Variants in FSTL5 observed in about 807,000 individuals in gnomAD.
The protein encoded by FSTL5 is follistatin like 5, also known as follistatin-related protein 5.
In FSTL5, 62 loss-of-function variants were observed where a neutral mutation model predicts 89.1. The observed-to-expected ratio is 0.70, with a 90% confidence interval of 0.57 to 0.86. The LOEUF is 0.86. Among genes scored for constraint, FSTL5 ranks in the 40% least tolerant of loss-of-function variants. The pLI is 0.00. For synonymous variants in FSTL5, 383 were observed against 346.2 expected (o/e 1.11, Z -1.18); for missense variants, 1,057 against 1,001.6 (o/e 1.06, Z -0.75).
chr4:161,771,727 A>G (rs1429751606), intron 5 of FSTL5, among the ~76,000 whole-genome samples: 4 of 152,172 alleles, frequency 2.6e-5, no homozygotes, highest in African/African-American at 4.8e-5. Context: ...GTGTTTTAAA[A>G]TCAATATTGT....
intron 3 of FSTL5, among the ~76,000 whole-genome samples, chr4:161,932,555 G>T (rs1236850836): frequency 6.6e-6 from 1 of 151,446 alleles, no homozygotes; most frequent in African/African-American, 2.4e-5. Flanking sequence ...ATATATGTAT[G>T]TTTGTATTTT....
intron 7 of FSTL5, among the ~76,000 whole-genome samples, chr4:161,622,252 C>A (rs1180871870): frequency 6.6e-6 from 1 of 152,034 alleles, no homozygotes; most frequent in African/African-American, 2.4e-5. Flanking sequence ...TTATTAAAAT[C>A]TTTCCCCACA....
At chr4:161,682,313 C>T (rs1192756427) in intron 6 of FSTL5, among the ~76,000 whole-genome samples, 1 of 152,062 alleles carries the variant, frequency 6.6e-6, no homozygotes, top group Non-Finnish European at 1.5e-5. Context: ...TTAATTAAAA[C>T]TTTCTTTCTT....
intron 12 of FSTL5, among the ~76,000 whole-genome samples, chr4:161,493,430 A>C (rs114201929): frequency 0.019 from 2,892 of 151,874 alleles, 85 homozygotes; most frequent in African/African-American, 0.065. Flanking sequence ...ATAATCTACT[A>C]TATTTTATAA....
At chr4:161,681,564 G>A (rs1327867681) in intron 6 of FSTL5, among the ~76,000 whole-genome samples, 1 of 151,892 alleles carries the variant, frequency 6.6e-6, no homozygotes, top group Non-Finnish European at 1.5e-5. Flanking sequence ...GCAATAAGCA[G>A]GGTTTACATA....
intron 4 of FSTL5, among the ~76,000 whole-genome samples, chr4:161,785,393 C>T (rs1741866679): frequency 6.6e-6 from 1 of 152,060 alleles, no homozygotes. Context: ...TACACTGGAA[C>T]AGAAAGAACC....
intron 4 of FSTL5, among the ~76,000 whole-genome samples, chr4:161,868,568 G>C (rs761891516): frequency 3.7e-4 from 56 of 152,082 alleles, no homozygotes; most frequent in Middle Eastern, 3.2e-3. Context: ...TTTCTCACAA[G>C]TTTGTACTAC....
Position 161,445,753 on chromosome 4 carries a change from T to C in FSTL5, c.1841+9251A>G, listed in dbSNP as rs975406848. 3.9e-5 allele frequency among the ~76,000 whole-genome samples: 6 copies of C among 152,004 alleles called. No individual in the cohort carries two copies. The East Asian group carries it at 1.2e-3, about 29-fold the overall frequency. On this transcript the variant is annotated intron_variant, in intron 15 of 15. Transcript: ENST00000306100. ...TCTACTAATTTGCTGGATTTCCTTGTTATGGTTCATTTTAAAGGCTCAATG... is the reference window on the plus strand; with the variant it reads ...TCTACTAATTTGCTGGATTTCCTTGCTATGGTTCATTTTAAAGGCTCAATG...
chr4:161,667,436 T>G (rs935634131), intron 6 of FSTL5, among the ~76,000 whole-genome samples: 9 of 152,070 alleles, frequency 5.9e-5, no homozygotes, highest in African/African-American at 2.4e-5. Flanking sequence ...AATTCAAGAA[T>G]GCAGATAACA....
chr4:161,668,584 A>C (rs537271582), intron 6 of FSTL5, among the ~76,000 whole-genome samples: 94 of 152,316 alleles, frequency 6.2e-4, no homozygotes, highest in African/African-American at 2.2e-3. Flanking sequence ...GCATAAAAAT[A>C]TCTCTTCTAG....
chr4:161,441,809 C>G (rs1419581631), intron 15 of FSTL5, among the ~76,000 whole-genome samples: 1 of 152,044 alleles, frequency 6.6e-6, no homozygotes, highest in Non-Finnish European at 1.5e-5. Flanking sequence ...TGAATTTTCT[C>G]TTCTTGGTAG....
chr4:161,638,833 G>A (rs1211661553), intron 7 of FSTL5, among the ~76,000 whole-genome samples: 3 of 133,018 alleles, frequency 2.3e-5, no homozygotes, highest in East Asian at 2.1e-4. Context: ...GGGATGCAAG[G>A]CTGGTTCAAT....
intron 4 of FSTL5, among the ~76,000 whole-genome samples, chr4:161,919,999 G>A (rs1482413620): frequency 2.0e-5 from 3 of 152,118 alleles, no homozygotes; most frequent in African/African-American, 7.2e-5. Flanking sequence ...TGAAACCATC[G>A]TTTTTAATCA....
intron 2 of FSTL5, among the ~76,000 whole-genome samples, chr4:162,080,636 CT>C (rs1730056600): frequency 1.3e-5 from 2 of 151,522 alleles, no homozygotes; most frequent in Non-Finnish European, 3.0e-5. Context: ...TCACTATTTC[CT>C]TGTATGACGT....
At chr4:161,684,135 A>G (rs796471279) in intron 6 of FSTL5, among the ~76,000 whole-genome samples, 4 of 151,970 alleles carry the variant, frequency 2.6e-5, no homozygotes, top group African/African-American at 7.2e-5. Flanking sequence ...GGTATACAGT[A>G]GTATTCCATG....
In FSTL5 at chr4:162,018,525, A is replaced by G. The variant is rs932799272; in HGVS notation, c.160+15100T>C. On this transcript the variant is annotated intron_variant, in intron 3 of 15. Coordinates refer to ENST00000306100, the MANE Select transcript of FSTL5 (RefSeq NM_020116.5). Reference sequence around the variant, plus strand: ...ACGATTTAATAATTGTCAGATGCTTACTGGTAATATTATTTTAGATTCTTT... The same window carrying G: ...ACGATTTAATAATTGTCAGATGCTTGCTGGTAATATTATTTTAGATTCTTT... Among the ~76,000 whole-genome samples the G allele has an allele frequency of 1.9e-4, 26 of 135,008 alleles. 1 individual carries two copies. Among genetic ancestry groups the G allele is most frequent in the African/African-American group, 7.2e-4 (25 of 34,490 alleles). The allele number at this position is 135,008 out of a possible 152,430, so 88.6% of individuals were successfully genotyped here. A position where few individuals can be genotyped will look rare whatever the true frequency, so the allele number is the denominator to read the frequency against.
At chr4:162,117,383 T>C (rs1579041636) in intron 1 of FSTL5, among the ~76,000 whole-genome samples, 2 of 152,302 alleles carry the variant, frequency 1.3e-5, no homozygotes, top group South Asian at 2.1e-4. Flanking sequence ...TTTTTGGAGA[T>C]GCCTTTTGGT....
chr4:161,627,396 T>C (rs1735351307), intron 7 of FSTL5, among the ~76,000 whole-genome samples: 1 of 152,182 alleles, frequency 6.6e-6, no homozygotes. Context: ...ATTTTATACA[T>C]AATGCCATCG....
chr4:161,397,865 C>T (rs560236364), intron 15 of FSTL5, among the ~76,000 whole-genome samples: 60 of 151,886 alleles, frequency 4.0e-4, no homozygotes, highest in African/African-American at 1.4e-3. Context: ...GGCTATTACT[C>T]ATATAAGGGA....
Sources: allele counts gnomAD v4.1 joint callset (sites outside exome capture counted in the v4.1 genomes callset), GRCh38; gene constraint gnomAD v4.1.1; transcripts MANE v1.5; gene names NCBI Gene and HGNC (gene_info 2026-07-23, HGNC 2026-07-21).